Variants in GPATCH8 observed in about 807,000 individuals in gnomAD.
GPATCH8 encodes the protein G-patch domain containing 8, also known as G patch domain-containing protein 8.
A neutral mutation model predicts 118.3 loss-of-function variants in GPATCH8; 18 were observed. That is an observed-to-expected ratio of 0.15 (90% CI 0.11 to 0.23). The LOEUF is 0.23. Among genes scored for constraint, GPATCH8 ranks in the 10% least tolerant of loss-of-function variants. The pLI, the probability that GPATCH8 is intolerant of heterozygous loss-of-function variation, is 1.00. For missense variants in GPATCH8, 1,631 were observed against 1,873.8 expected, an observed-to-expected ratio of 0.87 and a Z score of 2.39; for synonymous variants, 659 against 684.7, an observed-to-expected ratio of 0.96 and a Z score of 0.59.
chr17:44,463,773 T>G (rs1333993111), intron 3 of GPATCH8, among the ~76,000 whole-genome samples: 1 of 152,258 alleles, frequency 6.6e-6, no homozygotes, highest in Non-Finnish European at 1.5e-5. Context: ...AGAACGCAGT[T>G]GGTTGGTTTC....
chr17:44,493,054 G>GTTTTTTTTTT lies in GPATCH8; in HGVS notation c.45+10262_45+10271dup, dbSNP rs398039127. On this transcript the variant is annotated intron_variant, in intron 1 of 7. Transcript: ENST00000591680. ...TAAACCAATGGTGGTAAGCCATTAG[G>GTTTTTTTTTT]TTTTTTTTTTTTTTTTTAAGACAGA... 1.2e-3 allele frequency among the ~76,000 whole-genome samples: 153 copies of GTTTTTTTTTT among 124,358 alleles called. 7 individuals carry two copies. The highest frequency in any genetic ancestry group is 1.5e-3 in the African/African-American group (49 of 32,516). The allele number at this position is 124,358 out of a possible 152,430, so 81.6% of individuals were successfully genotyped here. A position where few individuals can be genotyped will look rare whatever the true frequency, so the allele number is the denominator to read the frequency against.
At chr17:44,482,189 G>A (rs951716447) in intron 1 of GPATCH8, among the ~76,000 whole-genome samples, 2 of 151,868 alleles carry the variant, frequency 1.3e-5, no homozygotes, top group Admixed American at 6.6e-5. Context: ...TGGACACAGG[G>A]AGGGGAACAT....
At chr17:44,494,050 C>A (rs939721982) in intron 1 of GPATCH8, among the ~76,000 whole-genome samples, 3 of 152,132 alleles carry the variant, frequency 2.0e-5, no homozygotes, top group African/African-American at 4.8e-5. Context: ...ATGATGTACT[C>A]TCATGTTCAT....
intron 1 of GPATCH8, among the ~76,000 whole-genome samples, chr17:44,491,261 C>T (rs935141575): frequency 1.3e-5 from 2 of 152,176 alleles, no homozygotes; most frequent in African/African-American, 2.4e-5. Flanking sequence ...GAGGCCAAGG[C>T]AGGTGGATCA....
chr17:44,473,833 C>A (rs1967507179), intron 2 of GPATCH8: 1 of 152,196 alleles, frequency 6.6e-6, no homozygotes, highest in Non-Finnish European at 1.5e-5. Context: ...TACAAACACA[C>A]ACAACACCAA....
At chr17:44,446,058 GCCT>G (rs1567999756) in intron 3 of GPATCH8, 1 of 151,916 alleles carries the variant, frequency 6.6e-6, no homozygotes, top group East Asian at 1.9e-4. Context: ...TCCCACCTCA[GCCT>G]CCTAAGTAGC....
At chr17:44,472,407 T>C (rs1282483756) in intron 2 of GPATCH8, among the ~76,000 whole-genome samples, 4 of 152,236 alleles carry the variant, frequency 2.6e-5, no homozygotes, top group Non-Finnish European at 5.9e-5. Context: ...TAGCCTCATG[T>C]GCCATAGGAA....
At chr17:44,453,962 T>C (rs1283106984) in intron 3 of GPATCH8, among the ~76,000 whole-genome samples, 1 of 152,098 alleles carries the variant, frequency 6.6e-6, no homozygotes, top group Non-Finnish European at 1.5e-5. Context: ...GTTTCTTCTG[T>C]TAAAAAACGC....
chr17:44,440,521 C>T (rs1367831172), intron 3 of GPATCH8, among the ~76,000 whole-genome samples: 1 of 152,208 alleles, frequency 6.6e-6, no homozygotes, highest in Non-Finnish European at 1.5e-5. Flanking sequence ...GATCCTCTTG[C>T]TTCAGCCTCC....
chr17:44,449,129 T>C (rs1325935817), intron 3 of GPATCH8, among the ~76,000 whole-genome samples: 1 of 151,748 alleles, frequency 6.6e-6, no homozygotes. Context: ...ATACAAAAAT[T>C]AGCCAGGCGT....
At chr17:44,499,663 C>T (rs1969917077) in intron 1 of GPATCH8, among the ~76,000 whole-genome samples, 1 of 152,124 alleles carries the variant, frequency 6.6e-6, no homozygotes, top group Non-Finnish European at 1.5e-5. Context: ...ACTGTACAAA[C>T]AAAACTTTCT....
At chr17:44,495,821 C>T (rs1221804038) in intron 1 of GPATCH8, among the ~76,000 whole-genome samples, 2 of 152,154 alleles carry the variant, frequency 1.3e-5, no homozygotes, top group African/African-American at 4.8e-5. Context: ...AGGGAAATTA[C>T]TGACACTACA....
At chr17:44,407,830 T>C (rs932514990) in intron 6 of GPATCH8, among the ~76,000 whole-genome samples, 11 of 151,968 alleles carry the variant, frequency 7.2e-5, no homozygotes, top group Non-Finnish European at 1.0e-4. Context: ...CTAATTTTTA[T>C]ATTTTTAGTA....
chr17:44,398,980 A>G lies in GPATCH8; in HGVS notation c.3097T>C (p.Ser1033Pro). Reference sequence around the variant, plus strand: ...GATCGGAAATAGTGGGGGGACTGGGAGCGGTAGATCTTAGAACGAATGAAG... The same window carrying G: ...GATCGGAAATAGTGGGGGGACTGGGGGCGGTAGATCTTAGAACGAATGAAG... ...RDFIRSKIYR[S>P]QSPHYFRSGR... The change falls in exon 8 of 8, where the codon TCC becomes CCC. Residue 1033 changes from serine (S) to proline (P), a missense_variant. Coordinates refer to ENST00000591680, the MANE Select transcript of GPATCH8 (RefSeq NM_001002909.4). 1 of 1,613,984 alleles carries G rather than the reference A, an allele frequency of 6.2e-7. No individual in the cohort carries two copies. The highest frequency in any genetic ancestry group is 8.5e-7 in the Non-Finnish European group (1 of 1,179,962).
chr17:44,432,463 T>C (rs1246641087), intron 5 of GPATCH8, among the ~76,000 whole-genome samples: 1 of 152,070 alleles, frequency 6.6e-6, no homozygotes, highest in Non-Finnish European at 1.5e-5. Flanking sequence ...ACATGACACA[T>C]GAGAGGATTA....
At chr17:44,494,310 G>T (rs12936613) in intron 1 of GPATCH8, among the ~76,000 whole-genome samples, 4,635 of 152,088 alleles carry the variant, frequency 0.03, 217 homozygotes, top group African/African-American at 0.11. Flanking sequence ...CACATGGTCC[G>T]GCCGGGCACG....
chr17:44,452,290 G>GAAAAAAAAAAAAAAAA (rs781273009), intron 3 of GPATCH8, among the ~76,000 whole-genome samples: 1 of 107,242 alleles, frequency 9.3e-6, no homozygotes, highest in Admixed American at 9.4e-5. Flanking sequence ...AAAAAAAAAA[G>GAAAAAAAAAAAAAAAA]AAAAAAAAAA....
chr17:44,472,691 TG>T (rs1287222738), intron 2 of GPATCH8, among the ~76,000 whole-genome samples: 2 of 152,072 alleles, frequency 1.3e-5, no homozygotes, highest in Non-Finnish European at 2.9e-5. Context: ...TTTTTGTTTT[TG>T]TTTTTTTATT....
intron 5 of GPATCH8, among the ~76,000 whole-genome samples, chr17:44,429,757 G>A (rs560739138): frequency 9.9e-5 from 15 of 152,100 alleles, no homozygotes; most frequent in South Asian, 6.2e-4. Context: ...CCAGTTGCTC[G>A]GGAGGCTGAG....
Sources: allele counts gnomAD v4.1 joint callset (sites outside exome capture counted in the v4.1 genomes callset), GRCh38; gene constraint gnomAD v4.1.1; transcripts MANE v1.5; gene names NCBI Gene and HGNC (gene_info 2026-07-23, HGNC 2026-07-21).